The following MCM5 variants were observed in gnomAD, a reference collection of about 807,000 sequenced individuals.
MCM5 encodes minichromosome maintenance complex component 5, also known as DNA replication licensing factor MCM5.
In MCM5, 46 loss-of-function variants were observed where a neutral mutation model predicts 79.9. The observed-to-expected ratio is 0.58, with a 90% CI of 0.45 to 0.74. The LOEUF (loss-of-function observed/expected upper bound fraction) is 0.74, where lower values mean the gene tolerates loss of function less well. Ranked by LOEUF, MCM5 falls within the 30% of genes least tolerant of loss-of-function variation. The probability of loss-of-function intolerance (pLI) is 0.00; values close to 1 mark genes in which losing one functional copy is unlikely to be tolerated. For missense variants in MCM5, 883 were observed against 1,017.0 expected (o/e 0.87, Z 1.79); for synonymous variants, 404 against 390.5 (o/e 1.03, Z -0.41).
rs200883424 is a variant in MCM5 at position 35,415,884 on chromosome 22, G to A, written c.1259G>A (p.Arg420Lys). ...SAAGLTASVM[R>K]DPSSRNFIME... ...GCTGGACTGACAGCCTCGGTGATGA[G>A]GGACCCTTCGTCCCGGAATTTCATC... Residue 420 changes from arginine to lysine, a missense_variant, in exon 10 of 17, where the codon AGG (arginine) becomes AAG (lysine). Arg to Lys is a conservative substitution (Grantham distance 26). Coordinates refer to ENST00000216122, the MANE Select transcript of MCM5 (RefSeq NM_006739.4). 1 of 1,614,134 alleles carries A rather than the reference G, an allele frequency of 6.2e-7. No homozygotes were observed. The highest frequency in any genetic ancestry group is 1.1e-5 in the South Asian group (1 of 91,080).
the MCM5 span, among the ~76,000 whole-genome samples, chr22:35,438,856 T>TATCCATCCATCC: frequency 0.011 from 1,165 of 109,584 alleles, 43 homozygotes; most frequent in South Asian, 0.071. Context: ...TCCACCCACA[T>TATCCATCCATCC]ATCCATCCAT....
rs551320290 is a variant in MCM5 at position 35,400,302 on chromosome 22, G to C, written c.-9+94G>C. The stretch of plus-strand genomic sequence containing the variant: ...GTGGGACAGGAGTTTCTCGGGAACT[G>C]GGGTTGGAGTCCGGGAGCGCGGCCG... On this transcript the variant is annotated intron_variant, in intron 1 of 16. Transcript: ENST00000216122. 4.3e-5 allele frequency: 40 copies of C among 935,336 alleles called. No homozygotes were observed. In the African/African-American group the frequency reaches 5.7e-4, roughly 13 times the overall value. 57.9% of individuals were successfully genotyped at this position (935,336 alleles called of 1,614,324 possible). A position where few individuals can be genotyped will look rare whatever the true frequency, so the allele number is the denominator to read the frequency against.
rs147386943 is a variant in MCM5 at position 35,403,306 on chromosome 22, C to T, written c.267C>T (p.Tyr89=). Reference sequence around the variant, plus strand: ...ATGAGGACCTGGCCGACTACTTGTACAAGCAGCCAGCCGAGCACCTGCAGC... The same window carrying T: ...ATGAGGACCTGGCCGACTACTTGTATAAGCAGCCAGCCGAGCACCTGCAGC... ...SFDEDLADYL[Y]KQPAEHLQLL... The change falls in exon 3 of 17, where the codon TAC becomes TAT. Residue 89 remains tyrosine, a synonymous_variant. Coordinates refer to ENST00000216122, the MANE Select transcript of MCM5 (RefSeq NM_006739.4). 1.9e-6 allele frequency: 3 copies of T among 1,614,172 alleles called. No homozygotes were observed. The East Asian group carries it at 6.7e-5, about 36-fold the overall frequency.
chr22:35,411,205 A>G (rs1198048871), intron 7 of MCM5: 2 of 244,320 alleles, frequency 8.2e-6, no homozygotes, highest in Non-Finnish European at 1.6e-5. Flanking sequence ...AGGAAATACA[A>G]GAGAAGTGAA....
At chr22:35,419,053 C>G (rs957588831) in intron 13 of MCM5, among the ~76,000 whole-genome samples, 6 of 152,180 alleles carry the variant, frequency 3.9e-5, no homozygotes, top group Non-Finnish European at 7.3e-5. Flanking sequence ...CAGTGGGGGG[C>G]TGGTGGGTCC....
At chr22:35,405,741 G>C (rs1181390957) in intron 4 of MCM5, among the ~76,000 whole-genome samples, 1 of 152,100 alleles carries the variant, frequency 6.6e-6, no homozygotes, top group Admixed American at 6.5e-5. Context: ...CGGGCGCGGT[G>C]GCTCATGCCT....
the MCM5 span, among the ~76,000 whole-genome samples, chr22:35,442,753 A>G: frequency 1.3e-5 from 2 of 151,980 alleles, no homozygotes; most frequent in African/African-American, 4.8e-5. Context: ...TCTTAATTTG[A>G]TCTCATCTGC....
the MCM5 span, among the ~76,000 whole-genome samples, chr22:35,453,819 T>TATATAG: frequency 0.079 from 6,453 of 81,220 alleles, 327 homozygotes; most frequent in Non-Finnish European, 0.1. Flanking sequence ...TATATATATA[T>TATATAG]AGAGAGAGAG....
intron 4 of MCM5, among the ~76,000 whole-genome samples, chr22:35,405,232 G>C (rs984469721): frequency 6.6e-6 from 1 of 151,966 alleles, no homozygotes; most frequent in African/African-American, 2.4e-5. Flanking sequence ...TGGCCAGGCT[G>C]GTCTCGAACT....
chr22:35,433,726 C>T, the MCM5 span, among the ~76,000 whole-genome samples: 7 of 152,196 alleles, frequency 4.6e-5, no homozygotes, highest in Non-Finnish European at 8.8e-5. Context: ...ATCTGCAGGA[C>T]CCAGGGCTGG....
the MCM5 span, among the ~76,000 whole-genome samples, chr22:35,454,219 C>G: frequency 6.6e-6 from 1 of 152,126 alleles, no homozygotes; most frequent in Non-Finnish European, 1.5e-5. Context: ...CCCTCTGCTC[C>G]CCTTCCAAGT....
Position 35,424,870 on chromosome 22 carries a change from G to A in MCM5, c.*615G>A, listed in dbSNP as rs1223935962. 1 of 152,250 alleles carries A rather than the reference G, an allele frequency of 6.6e-6. No individual in the cohort carries two copies. Among genetic ancestry groups the A allele is most frequent in the Non-Finnish European group, 1.5e-5 (1 of 68,058 alleles). The allele number at this position is 152,250 out of a possible 1,614,324, so 9.4% of individuals were successfully genotyped here. A position where few individuals can be genotyped will look rare whatever the true frequency, so the allele number is the denominator to read the frequency against. On this transcript the variant is annotated 3_prime_UTR_variant, in exon 17 of 17. Coordinates refer to ENST00000216122, the MANE Select transcript of MCM5 (RefSeq NM_006739.4). ...TCTCCATGCCTTAGTTTCCTTATCT[G>A]TAAGCAGGCTGATACTAGAACCTGC...
the MCM5 span, among the ~76,000 whole-genome samples, chr22:35,430,588 C>T: frequency 2.6e-5 from 4 of 151,416 alleles, no homozygotes; most frequent in Non-Finnish European, 5.9e-5. Flanking sequence ...CTGCAACCTC[C>T]GCCTGCCAGT....
intron 16 of MCM5, 173 bp downstream of exon 16, chr22:35,423,514 T>A (rs1932745678): frequency 6.7e-6 from 4 of 599,640 alleles, no homozygotes; most frequent in Non-Finnish European, 1.0e-5. Context: ...CCTAGGGACA[T>A]CTTCATCAGG....
chr22:35,434,577 C>T, the MCM5 span, among the ~76,000 whole-genome samples: 2 of 152,176 alleles, frequency 1.3e-5, no homozygotes, highest in African/African-American at 2.4e-5. Flanking sequence ...TGTGACCAGG[C>T]GGGAAAGGGC....
chr22:35,410,383 T>C (rs133416), intron 6 of MCM5: 213,605 of 298,256 alleles, frequency 0.72, 78,352 homozygotes, highest in African/African-American at 0.91. Context: ...CACCACACAG[T>C]GAGCTGACAG....
the MCM5 span, among the ~76,000 whole-genome samples, chr22:35,437,778 G>T: frequency 6.6e-6 from 1 of 152,178 alleles, no homozygotes; most frequent in South Asian, 2.1e-4. Context: ...CACCTGGGTA[G>T]CCTGTTAAAA....
rs1214073755 is a variant in MCM5 at position 35,421,468 on chromosome 22, G to A, written c.1975+8G>A. ...TGTCCGGTACCCTGTCAGGTGAGCA[G>A]ATGCAGGGGCCATGGTCTCAATTGA... On this transcript the variant is annotated splice_region_variant and intron_variant, in intron 15 of 16. Transcript: ENST00000216122. The A allele has an allele frequency of 1.2e-6, 2 of 1,614,076 alleles. No individual in the cohort carries two copies. The highest frequency in any genetic ancestry group is 1.7e-6 in the Non-Finnish European group (2 of 1,180,038).
At chr22:35,434,047 G>C in the MCM5 span, among the ~76,000 whole-genome samples, 1 of 152,210 alleles carries the variant, frequency 6.6e-6, no homozygotes, top group African/African-American at 2.4e-5. Context: ...TGAGTTTCGT[G>C]GGGAGAGAGG....
Sources: allele counts gnomAD v4.1 joint callset (sites outside exome capture counted in the v4.1 genomes callset), GRCh38; gene constraint gnomAD v4.1.1; transcripts MANE v1.5; gene names NCBI Gene and HGNC (gene_info 2026-07-23, HGNC 2026-07-21).